The following PDE4B variants were observed in gnomAD, a reference collection of about 807,000 sequenced individuals.
The protein encoded by PDE4B is phosphodiesterase 4B.
A neutral mutation model predicts 82.2 loss-of-function variants in PDE4B; 20 were observed. The observed-to-expected ratio is 0.24, with a 90% CI of 0.17 to 0.35. The LOEUF (loss-of-function observed/expected upper bound fraction) is 0.35, where lower values mean the gene tolerates loss of function less well. Among genes scored for constraint, PDE4B ranks in the 10% least tolerant of loss-of-function variants. The pLI, the probability that PDE4B is intolerant of heterozygous loss-of-function variation, is 1.00. For missense variants in PDE4B, 655 were observed against 907.2 expected (o/e 0.72, Z 3.57); for synonymous variants, 320 against 318.9 (o/e 1.00, Z -0.04).
intron 3 of PDE4B, among the ~76,000 whole-genome samples, chr1:66,014,708 C>T (rs764998261): frequency 6.6e-6 from 1 of 152,070 alleles, no homozygotes; most frequent in Admixed American, 6.6e-5. Flanking sequence ...TTTCTCCTGG[C>T]GAGAACATTT....
At chr1:66,198,763 C>G (rs1395635762) in intron 3 of PDE4B, among the ~76,000 whole-genome samples, 1 of 151,920 alleles carries the variant, frequency 6.6e-6, no homozygotes, top group Non-Finnish European at 1.5e-5. Flanking sequence ...CTCCCCCTTC[C>G]CCCCACCCCA....
intron 3 of PDE4B, among the ~76,000 whole-genome samples, chr1:66,000,956 A>G (rs896959463): frequency 1.3e-5 from 2 of 152,216 alleles, no homozygotes; most frequent in Non-Finnish European, 2.9e-5. Flanking sequence ...ACAAAGCAAC[A>G]TGGATGATTA....
chr1:65,872,055 C>A (rs1646579131), intron 1 of PDE4B, among the ~76,000 whole-genome samples: 2 of 152,048 alleles, frequency 1.3e-5, no homozygotes, highest in South Asian at 4.1e-4. Flanking sequence ...TGGTTTCATG[C>A]ATGATTTTAT....
chr1:65,913,948 C>T (rs558763254), intron 2 of PDE4B, among the ~76,000 whole-genome samples: 8 of 152,222 alleles, frequency 5.3e-5, no homozygotes, highest in South Asian at 4.1e-4. Context: ...TTGAAAGCCC[C>T]GATCTAAATC....
chr1:65,805,940 A>G (rs1645750633), intron 1 of PDE4B, among the ~76,000 whole-genome samples: 1 of 152,118 alleles, frequency 6.6e-6, no homozygotes, highest in South Asian at 2.1e-4. Flanking sequence ...ACCTGGGTGC[A>G]GGTCATTTCT....
In PDE4B at chr1:66,078,978, C is replaced by T. The variant is rs114114532; in HGVS notation, c.281+160143C>T. Among the ~76,000 whole-genome samples, 1,270 of 152,146 alleles carry T rather than the reference C, an allele frequency of 8.3e-3. 22 individuals are homozygous for T. The highest frequency in any genetic ancestry group is 0.029 in the African/African-American group (1,184 of 41,534). ...CCACTCATCAATTCCCTTATTTATT[C>T]AGGAAATACATGTAGATATAATGAA... On this transcript the variant is annotated intron_variant, in intron 3 of 16. Coordinates refer to ENST00000341517, the MANE Select transcript of PDE4B (RefSeq NM_002600.4).
At chr1:65,951,914 G>A (rs1049325092) in intron 3 of PDE4B, among the ~76,000 whole-genome samples, 1 of 152,032 alleles carries the variant, frequency 6.6e-6, no homozygotes, top group African/African-American at 2.4e-5. Flanking sequence ...ATACTCTAAG[G>A]TTTGGCAATG....
At chr1:66,314,304 C>T (rs1329434746) in intron 7 of PDE4B, among the ~76,000 whole-genome samples, 1 of 152,214 alleles carries the variant, frequency 6.6e-6, no homozygotes, top group Non-Finnish European at 1.5e-5. Flanking sequence ...TCCCCTCATG[C>T]CTCACCCCTA....
Position 66,363,269 on chromosome 1 carries a change from G to C in PDE4B, c.1119+3G>C. On this transcript the variant is annotated splice_donor_region_variant and intron_variant, in intron 11 of 16. Coordinates refer to ENST00000341517, the MANE Select transcript of PDE4B (RefSeq NM_002600.4). Reference sequence around the variant, plus strand: ...GCATCATGTATGCTATATTCCAGGTGAGTGAACAGGAGTGAATACTGGCTT... The same window carrying C: ...GCATCATGTATGCTATATTCCAGGTCAGTGAACAGGAGTGAATACTGGCTT... 6.3e-7 allele frequency: 1 copy of C among 1,579,156 alleles called. No individual in the cohort carries two copies. The highest frequency in any genetic ancestry group is 8.7e-7 in the Non-Finnish European group (1 of 1,150,094).
intron 8 of PDE4B, among the ~76,000 whole-genome samples, chr1:66,352,623 T>C (rs1447670490): frequency 6.6e-6 from 1 of 152,238 alleles, no homozygotes; most frequent in Non-Finnish European, 1.5e-5. Context: ...CTAGACTGTT[T>C]GCTGTTGTGG....
intron 3 of PDE4B, among the ~76,000 whole-genome samples, chr1:66,244,146 C>G (rs1289525386): frequency 6.6e-6 from 1 of 152,144 alleles, no homozygotes; most frequent in Admixed American, 6.5e-5. Context: ...GATACAGCAA[C>G]TGAATGAAGC....
chr1:66,063,217 C>G (rs1439970949), intron 3 of PDE4B, among the ~76,000 whole-genome samples: 3 of 152,002 alleles, frequency 2.0e-5, no homozygotes, highest in Admixed American at 6.6e-5. Flanking sequence ...GAGTTTGTCT[C>G]TAGTTTCTCA....
chr1:66,260,140 T>C (rs960712618), intron 6 of PDE4B, among the ~76,000 whole-genome samples: 18 of 152,192 alleles, frequency 1.2e-4, no homozygotes, highest in Non-Finnish European at 2.4e-4. Context: ...TCAGCTTAGA[T>C]CACCATAAAT....
intron 3 of PDE4B, among the ~76,000 whole-genome samples, chr1:65,977,919 C>G (rs914107838): frequency 5.9e-5 from 9 of 152,046 alleles, no homozygotes; most frequent in African/African-American, 1.7e-4. Flanking sequence ...TGTGATAATA[C>G]TTAGAGCATA....
intron 3 of PDE4B, among the ~76,000 whole-genome samples, chr1:66,131,281 T>G (rs569277704): frequency 6.6e-6 from 1 of 152,122 alleles, no homozygotes; most frequent in Non-Finnish European, 1.5e-5. Context: ...TCACACCATT[T>G]TTTTATATGG....
intron 3 of PDE4B, among the ~76,000 whole-genome samples, chr1:66,193,567 C>A (rs1648009052): frequency 6.6e-6 from 1 of 152,108 alleles, no homozygotes; most frequent in South Asian, 2.1e-4. Context: ...AAATAATCAT[C>A]TCCCCTGGGT....
At chr1:66,057,603 G>C (rs1655370711) in intron 3 of PDE4B, among the ~76,000 whole-genome samples, 1 of 152,210 alleles carries the variant, frequency 6.6e-6, no homozygotes, top group South Asian at 2.1e-4. Flanking sequence ...ATCACTGGGG[G>C]AAGGTGAAAG....
At chr1:66,027,241 T>C (rs180952474) in intron 3 of PDE4B, among the ~76,000 whole-genome samples, 1 of 152,246 alleles carries the variant, frequency 6.6e-6, no homozygotes, top group African/African-American at 2.4e-5. Flanking sequence ...ACTTCTTACA[T>C]GGCAGCAACA....
At chr1:66,058,817 G>A (rs1051892479) in intron 3 of PDE4B, among the ~76,000 whole-genome samples, 2 of 152,252 alleles carry the variant, frequency 1.3e-5, no homozygotes, top group South Asian at 4.1e-4. Context: ...GGGAGGGGCT[G>A]CCATGAAGAT....
Sources: gnomAD v4.1 joint callset for allele counts (sites outside exome capture counted in the v4.1 genomes callset) on GRCh38, gnomAD v4.1.1 for gene constraint, MANE v1.5 for transcripts, NCBI Gene and HGNC (gene_info 2026-07-23, HGNC 2026-07-21) for gene names.